LAMC2: variants seen among roughly 807,000 people sequenced by gnomAD.
The protein encoded by LAMC2 is laminin subunit gamma 2.
Under a neutral mutation model 140.2 loss-of-function variants are expected in LAMC2, and 97 were observed. That is an observed-to-expected ratio of 0.69 (90% CI 0.59 to 0.82). LAMC2 has a LOEUF of 0.82. LAMC2 is among the 40% of genes least tolerant of loss of function. LAMC2 has a pLI of 0.00. For synonymous variants in LAMC2, 513 were observed against 540.2 expected, an observed-to-expected ratio of 0.95 and a Z score of 0.70; for missense variants, 1,402 against 1,476.1, an observed-to-expected ratio of 0.95 and a Z score of 0.82.
intron 7 of LAMC2, 63 bp from the exon 8 acceptor site, chr1:183,225,545 T>C: frequency 8.7e-7 from 1 of 1,143,540 alleles, no homozygotes; most frequent in Non-Finnish European, 1.3e-6. Context: ...CAGGCATAAT[T>C]TATAACAGGT....
At chr1:183,207,806 T>TA in intron 1 of LAMC2, 75 bp from the exon 2 acceptor site, 2 of 1,238,542 alleles carry the variant, frequency 1.6e-6, no homozygotes, top group Non-Finnish European at 2.4e-6. Context: ...AATAATAACA[T>TA]AAACACCTGC....
intron 2 of LAMC2, 101 bp downstream of exon 2, chr1:183,208,170 GAAAAAGAAAGA>G: frequency 2.7e-6 from 3 of 1,126,176 alleles, no homozygotes; most frequent in Non-Finnish European, 4.0e-6. Context: ...AACAACGGAG[GAAAAAGAAAGA>G]AAACAGGGAA....
chr1:183,226,834 G>C lies in LAMC2; in HGVS notation c.1203G>C (p.Lys401Asn). The C allele has an allele frequency of 6.2e-7, 1 of 1,614,222 alleles. No individual in the cohort carries two copies. Among genetic ancestry groups the C allele is most frequent in the Non-Finnish European group, 8.5e-7 (1 of 1,180,040 alleles). ...QFCQDCASGY[K>N]RDSARLGPFG... is the part of the protein sequence containing the mutation. ...GCCAGGATTGTGCTTCTGGCTACAA[G>C]AGAGATTCAGCGAGACTGGGGCCTT... The change falls in exon 9 of 23, where the codon AAG becomes AAC. Residue 401 changes from lysine (K) to asparagine (N), a missense_variant. Physicochemically the swap from Lys to Asn is moderately conservative, Grantham distance 94. Coordinates refer to ENST00000264144, the MANE Select transcript of LAMC2 (RefSeq NM_005562.3).
intron 1 of LAMC2, among the ~76,000 whole-genome samples, chr1:183,197,626 A>G (rs1658561493): frequency 6.6e-6 from 1 of 151,920 alleles, no homozygotes. Context: ...CTGTGAGCCG[A>G]GATCGTGCTA....
At chr1:183,235,830 C>T in intron 16 of LAMC2, 100 bp downstream of exon 16, 2 of 1,233,176 alleles carry the variant, frequency 1.6e-6, no homozygotes, top group Non-Finnish European at 2.3e-6. Context: ...TTGTAAAAAA[C>T]ATATTATTAA....
rs935114893 is a variant in LAMC2 at position 183,228,830 on chromosome 1, G to C, written c.1714+211G>C. Among the ~76,000 whole-genome samples, 3 of 152,132 alleles carry C rather than the reference G, an allele frequency of 2.0e-5. No homozygotes were observed. The highest frequency in any genetic ancestry group is 4.1e-4 in the South Asian group (2 of 4,832). ...AGCCAGGCTCTGGAAGACAGAGCTG[G>C]GTTAAAGCTGGGTGGGAGAAGTGAA... On this transcript the variant is annotated intron_variant, in intron 11 of 22. Coordinates refer to ENST00000264144, the MANE Select transcript of LAMC2 (RefSeq NM_005562.3). The surrounding 1 kb of genome is among the most constrained non-coding windows in gnomAD (Gnocchi z 4.3).
intron 12 of LAMC2, 96 bp downstream of exon 12, chr1:183,231,199 C>A: frequency 7.1e-7 from 1 of 1,408,850 alleles, no homozygotes; most frequent in Non-Finnish European, 1.0e-6. Flanking sequence ...CACTCCTAGT[C>A]TCCTGAGGAT....
intron 3 of LAMC2, 48 bp from the exon 4 acceptor site, chr1:183,218,342 T>G: frequency 1.4e-6 from 2 of 1,412,792 alleles, no homozygotes; most frequent in Non-Finnish European, 2.0e-6. Flanking sequence ...TGCATAGTTG[T>G]GAAGCATTTG....
intron 11 of LAMC2, among the ~76,000 whole-genome samples, chr1:183,229,908 A>C (rs1441709212): frequency 6.6e-6 from 1 of 152,182 alleles, no homozygotes; most frequent in Non-Finnish European, 1.5e-5. Flanking sequence ...AAAAGCCCAT[A>C]TGACACCAAC....
At chr1:183,255,294 T>G in the LAMC2 span, among the ~76,000 whole-genome samples, 1 of 152,236 alleles carries the variant, frequency 6.6e-6, no homozygotes, top group South Asian at 2.1e-4. Context: ...TTTATGCCAG[T>G]ACCATACTGT....
intron 1 of LAMC2, among the ~76,000 whole-genome samples, chr1:183,193,943 G>A (rs659307): frequency 0.57 from 86,692 of 151,914 alleles, 25,490 homozygotes; most frequent in East Asian, 0.73. Flanking sequence ...GCAATACAGT[G>A]TTTTTGTTTT....
At chr1:183,221,683 C>T (rs1368298942) in intron 5 of LAMC2, among the ~76,000 whole-genome samples, 7 of 151,364 alleles carry the variant, frequency 4.6e-5, no homozygotes, top group Middle Eastern at 3.4e-3. Flanking sequence ...GAGCCGAGAT[C>T]GCGCCACTGC....
At chr1:183,252,627 A>C in the LAMC2 span, 2 of 1,586,778 alleles carry the variant, frequency 1.3e-6, no homozygotes, top group Non-Finnish European at 1.7e-6. Context: ...GTGTTGCCGG[A>C]GGACGAGGGG....
At chr1:183,229,563 G>C (rs1401572016) in intron 11 of LAMC2, among the ~76,000 whole-genome samples, 1 of 151,234 alleles carries the variant, frequency 6.6e-6, no homozygotes. Flanking sequence ...CTTGAACCCA[G>C]GAGGCAGAGG....
chr1:183,245,087 A>T lies in LAMC2; in HGVS notation c.*1687A>T, dbSNP rs1053780115. Among the ~76,000 whole-genome samples, 2 of 152,110 alleles carry T rather than the reference A, an allele frequency of 1.3e-5. No individual in the cohort carries two copies. Among genetic ancestry groups the T allele is most frequent in the Non-Finnish European group, 1.5e-5 (1 of 68,028 alleles). On this transcript the variant is annotated 3_prime_UTR_variant, in exon 23 of 23. Coordinates refer to ENST00000264144, the MANE Select transcript of LAMC2 (RefSeq NM_005562.3). ...TGATGCTGTCAATGAGATTTTTATG[A>T]GGTTTAACTGATGCTGTCTTCTAAG...
chr1:183,187,724 A>G (rs641057), intron 1 of LAMC2, among the ~76,000 whole-genome samples: 86,744 of 152,044 alleles, frequency 0.57, 25,495 homozygotes, highest in East Asian at 0.73. Context: ...ACATCCCCAA[A>G]GTAAAAATAG....
intron 4 of LAMC2, among the ~76,000 whole-genome samples, chr1:183,220,004 A>G (rs6424893): frequency 0.26 from 39,193 of 152,246 alleles, 5,831 homozygotes; most frequent in African/African-American, 0.39. Flanking sequence ...AAATGAGAGA[A>G]CACACACAAG....
chr1:183,237,685 C>T (rs1047630625), intron 18 of LAMC2, among the ~76,000 whole-genome samples, 181 bp downstream of exon 18: 6 of 151,936 alleles, frequency 3.9e-5, no homozygotes, highest in African/African-American at 1.5e-4. Flanking sequence ...TTGAGACCAG[C>T]GTAGGCAACG....
chr1:183,241,081 C>T (rs1476766957), intron 22 of LAMC2: 1 of 156,332 alleles, frequency 6.4e-6, no homozygotes, highest in African/African-American at 2.4e-5. Flanking sequence ...AACCCTGTCT[C>T]TACTAAAAGT....
Sources: allele counts gnomAD v4.1 joint callset (sites outside exome capture counted in the v4.1 genomes callset), GRCh38; gene constraint gnomAD v4.1.1; non-coding constraint Gnocchi (gnomAD v3.1); transcripts MANE v1.5; gene names NCBI Gene and HGNC (gene_info 2026-07-23, HGNC 2026-07-21).